GRM8: variants seen among roughly 807,000 people sequenced by gnomAD.
GRM8 encodes metabotropic glutamate receptor 8.
A neutral mutation model predicts 87.2 loss-of-function variants in GRM8; 47 were observed. That is an observed-to-expected ratio of 0.54 (90% CI 0.43 to 0.69). GRM8 has a LOEUF of 0.69. GRM8 is among the 30% of genes least tolerant of loss of function. The pLI, the probability that GRM8 is intolerant of heterozygous loss-of-function variation, is 0.00. For synonymous variants in GRM8, 396 were observed against 404.5 expected, an observed-to-expected ratio of 0.98 and a Z score of 0.25; for missense variants, 1,019 against 1,139.2, an observed-to-expected ratio of 0.89 and a Z score of 1.52.
chr7:126,991,567 T>C (rs1410605993), intron 3 of GRM8, among the ~76,000 whole-genome samples: 4 of 152,142 alleles, frequency 2.6e-5, no homozygotes, highest in African/African-American at 9.7e-5. Flanking sequence ...TTAAAAAGGA[T>C]TTGAGTCGAC....
chr7:127,059,094 T>A (rs918310158), intron 3 of GRM8, among the ~76,000 whole-genome samples: 2 of 151,984 alleles, frequency 1.3e-5, no homozygotes, highest in Non-Finnish European at 2.9e-5. Flanking sequence ...TATGACAGAG[T>A]GTTCTGAGGA....
chr7:126,929,874 A>AC, intron 3 of GRM8, among the ~76,000 whole-genome samples: 1 of 15,266 alleles, frequency 6.6e-5, no homozygotes, highest in Non-Finnish European at 1.2e-4. Context: ...TACAAGATTT[A>AC]AAATATAAAG....
At chr7:127,217,270 G>A (rs1412554884) in intron 2 of GRM8, among the ~76,000 whole-genome samples, 3 of 152,140 alleles carry the variant, frequency 2.0e-5, no homozygotes, top group Non-Finnish European at 4.4e-5. Context: ...AGTGATGAAA[G>A]GGGACATAAT....
At chr7:126,961,783 A>C (rs1237656408) in intron 3 of GRM8, among the ~76,000 whole-genome samples, 1 of 152,236 alleles carries the variant, frequency 6.6e-6, no homozygotes, top group Admixed American at 6.5e-5. Context: ...ATTTCTTCAC[A>C]CATTTTTTGA....
chr7:126,768,902 T>G (rs1818507689), intron 7 of GRM8, among the ~76,000 whole-genome samples: 1 of 139,386 alleles, frequency 7.2e-6, no homozygotes, highest in Non-Finnish European at 1.5e-5. Context: ...AAATTCTGTC[T>G]TAGGTTGCCT....
chr7:126,693,605 A>T (rs1413954235), intron 7 of GRM8, among the ~76,000 whole-genome samples: 1 of 152,154 alleles, frequency 6.6e-6, no homozygotes, highest in Non-Finnish European at 1.5e-5. Flanking sequence ...AAAAGCTTTT[A>T]AAATAGGTAC....
chr7:127,074,124 A>G (rs923668583), intron 3 of GRM8, among the ~76,000 whole-genome samples: 1 of 152,262 alleles, frequency 6.6e-6, no homozygotes, highest in Non-Finnish European at 1.5e-5. Flanking sequence ...TGGCAATACA[A>G]TAGTATCCTG....
chr7:126,501,352 AAAC>A (rs1345114022), intron 9 of GRM8, among the ~76,000 whole-genome samples: 2 of 151,988 alleles, frequency 1.3e-5, no homozygotes, highest in Non-Finnish European at 2.9e-5. Context: ...CTGAATTTTC[AAAC>A]AAAAAATAGT....
At chr7:126,948,141 T>C (rs780911254) in intron 3 of GRM8, among the ~76,000 whole-genome samples, 8 of 151,992 alleles carry the variant, frequency 5.3e-5, no homozygotes, top group African/African-American at 9.7e-5. Flanking sequence ...CACAGCTCGG[T>C]GGAAGTAAAA....
intron 2 of GRM8, among the ~76,000 whole-genome samples, chr7:127,176,766 G>A (rs1000929928): frequency 6.6e-6 from 1 of 152,196 alleles, no homozygotes; most frequent in Admixed American, 6.5e-5. Context: ...CTGTTTGTGG[G>A]AGAAGTTTCC....
intron 2 of GRM8, among the ~76,000 whole-genome samples, chr7:127,202,321 G>A (rs1215748560): frequency 6.6e-6 from 1 of 152,040 alleles, no homozygotes; most frequent in East Asian, 1.9e-4. Flanking sequence ...GGGATTACCT[G>A]CGTGTGCCAC....
intron 6 of GRM8, among the ~76,000 whole-genome samples, chr7:126,805,283 T>G (rs1057158460): frequency 1.3e-5 from 2 of 152,164 alleles, no homozygotes; most frequent in Non-Finnish European, 2.9e-5. Flanking sequence ...GCCCCACCTC[T>G]GGTTAGCCTA....
At chr7:127,183,880 TAAAG>T (rs1274126643) in intron 2 of GRM8, among the ~76,000 whole-genome samples, 2 of 151,660 alleles carry the variant, frequency 1.3e-5, no homozygotes, top group African/African-American at 4.8e-5. Flanking sequence ...AAAAGGATAA[TAAAG>T]AAATAGTACA....
At chr7:126,853,754 T>C (rs1222951080) in intron 6 of GRM8, among the ~76,000 whole-genome samples, 1 of 152,186 alleles carries the variant, frequency 6.6e-6, no homozygotes, top group Non-Finnish European at 1.5e-5. Context: ...AGGGGCCATA[T>C]GCCTGGAGGT....
chr7:127,098,431 C>A (rs950511903), intron 3 of GRM8, among the ~76,000 whole-genome samples: 1 of 152,040 alleles, frequency 6.6e-6, no homozygotes. Context: ...ATTTCAGTTA[C>A]CAGAAACTTG....
chr7:126,923,189 C>T (rs183290175), intron 3 of GRM8, among the ~76,000 whole-genome samples: 16 of 152,230 alleles, frequency 1.1e-4, no homozygotes, highest in Non-Finnish European at 2.1e-4. Context: ...ATGCTGATTG[C>T]TTATTTGTTT....
At chr7:126,790,701 C>T (rs940890286) in intron 6 of GRM8, among the ~76,000 whole-genome samples, 5 of 152,126 alleles carry the variant, frequency 3.3e-5, no homozygotes, top group Non-Finnish European at 7.4e-5. Context: ...CAGAGACCAG[C>T]CCTGGAGCCA....
chr7:126,905,200 A>C (rs1295917296), intron 3 of GRM8, among the ~76,000 whole-genome samples: 3 of 152,258 alleles, frequency 2.0e-5, no homozygotes, highest in Non-Finnish European at 4.4e-5. Flanking sequence ...TTATGAGACA[A>C]GTGGTCTTCA....
intron 6 of GRM8, among the ~76,000 whole-genome samples, chr7:126,799,327 T>C (rs1385556220): frequency 1.3e-5 from 2 of 152,026 alleles, no homozygotes; most frequent in Non-Finnish European, 2.9e-5. Flanking sequence ...CTCAGGAATC[T>C]CCATTTTCAA....
Sources: gnomAD v4.1 joint callset for allele counts (sites outside exome capture counted in the v4.1 genomes callset) on GRCh38, gnomAD v4.1.1 for gene constraint, MANE v1.5 for transcripts, NCBI Gene and HGNC (gene_info 2026-07-23, HGNC 2026-07-21) for gene names.